Variants in FOXN3 observed in about 807,000 individuals in gnomAD.
FOXN3 encodes the protein forkhead box protein N3.
FOXN3 carries 7 observed loss-of-function variants against 38.4 expected under a neutral mutation model. That is an observed-to-expected ratio of 0.18 (90% confidence interval 0.10 to 0.34). FOXN3 has a LOEUF of 0.34. Ranked by LOEUF, FOXN3 falls within the 10% of genes least tolerant of loss-of-function variation. The pLI is 1.00. For missense variants in FOXN3, 456 were observed against 613.4 expected, an observed-to-expected ratio of 0.74 and a Z score of 2.71; for synonymous variants, 230 against 242.2, an observed-to-expected ratio of 0.95 and a Z score of 0.47.
intron 3 of FOXN3, among the ~76,000 whole-genome samples, chr14:89,300,336 T>C (rs1404630451): frequency 1.3e-5 from 2 of 151,958 alleles, no homozygotes; most frequent in Admixed American, 1.3e-4. Flanking sequence ...GCACCCGCCA[T>C]CATGCCCAGA....
intron 1 of FOXN3, among the ~76,000 whole-genome samples, chr14:89,445,829 C>A (rs1892480535): frequency 6.6e-6 from 1 of 151,922 alleles, no homozygotes; most frequent in African/African-American, 2.4e-5. Flanking sequence ...ACCTATAACC[C>A]CAGCACTTTG....
At chr14:89,537,275 GTGGATGGATGAA>G (rs1894708199) in intron 1 of FOXN3, among the ~76,000 whole-genome samples, 2 of 151,924 alleles carry the variant, frequency 1.3e-5, no homozygotes, top group South Asian at 4.2e-4. Flanking sequence ...GGATGAATAA[GTGGATGGATGAA>G]TGGATGGATG....
chr14:89,181,201 T>TAA (rs35634331), intron 4 of FOXN3, among the ~76,000 whole-genome samples: 1 of 146,240 alleles, frequency 6.8e-6, no homozygotes, highest in Non-Finnish European at 1.5e-5. Context: ...ATGCCTAGGT[T>TAA]AAAAAAAAAA....
chr14:89,263,026 T>C (rs530463141), intron 4 of FOXN3, among the ~76,000 whole-genome samples: 118 of 152,322 alleles, frequency 7.7e-4, no homozygotes, highest in Non-Finnish European at 1.3e-3. Context: ...CGCAGTGAAA[T>C]TGGCCTGCTT....
At chr14:89,410,183 G>A (rs1245259935) in intron 2 of FOXN3, among the ~76,000 whole-genome samples, 1 of 151,960 alleles carries the variant, frequency 6.6e-6, no homozygotes. Flanking sequence ...GAGCAATACG[G>A]TTGGCCACTT....
chr14:89,490,863 A>C (rs1893556849), intron 1 of FOXN3, among the ~76,000 whole-genome samples: 1 of 152,268 alleles, frequency 6.6e-6, no homozygotes, highest in South Asian at 2.1e-4. Context: ...AGTTAAATAC[A>C]ACAGTTCCAT....
upstream of FOXN3, among the ~76,000 whole-genome samples, chr14:89,420,217 A>C (rs1320345510): frequency 2.6e-5 from 4 of 152,218 alleles, no homozygotes; most frequent in Admixed American, 2.6e-4. Flanking sequence ...GAACTGCCTC[A>C]AGCCTTCCAT....
At chr14:89,481,733 T>G (rs1308004154) in intron 1 of FOXN3, among the ~76,000 whole-genome samples, 3 of 152,210 alleles carry the variant, frequency 2.0e-5, no homozygotes, top group Non-Finnish European at 2.9e-5. Flanking sequence ...AGTCTTATTT[T>G]GGGGATTAAA....
In FOXN3 at chr14:89,444,686, A is replaced by G. The variant is rs548737543; in HGVS notation, c.-14-32196T>C. On this transcript the variant is annotated intron_variant, in intron 1 of 6. Coordinates refer to the FOXN3 transcript ENST00000345097. ...AAGATTTTGCCCTTCCTAAGTCTCT[A>G]TATTCCGCAGCTTCCCGATGTTCTG... 3.9e-5 allele frequency among the ~76,000 whole-genome samples: 6 copies of G among 152,330 alleles called. No homozygotes were observed. In the South Asian group the frequency reaches 1.0e-3, roughly 26 times the overall value.
chr14:89,535,510 T>C (rs540395650), intron 1 of FOXN3, among the ~76,000 whole-genome samples: 25 of 152,286 alleles, frequency 1.6e-4, no homozygotes, highest in Admixed American at 1.5e-3. Flanking sequence ...TAATGCAGCC[T>C]TTTTTTCACC....
chr14:89,262,872 G>A (rs1375995174), intron 4 of FOXN3, among the ~76,000 whole-genome samples: 1 of 152,226 alleles, frequency 6.6e-6, no homozygotes, highest in African/African-American at 2.4e-5. Context: ...TCACTGAACT[G>A]ACAGGCAACC....
At chr14:89,437,175 A>C (rs911017289) in intron 1 of FOXN3, among the ~76,000 whole-genome samples, 1 of 138,756 alleles carries the variant, frequency 7.2e-6, no homozygotes, top group South Asian at 2.3e-4. Context: ...ACTCTGTCTC[A>C]AAAAACAAAA....
chr14:89,194,725 A>AAC (rs1011695808), intron 4 of FOXN3, among the ~76,000 whole-genome samples: 3 of 151,918 alleles, frequency 2.0e-5, no homozygotes, highest in Admixed American at 6.6e-5. Context: ...TGTAAAAAAA[A>AAC]AAACACTAGA....
At chr14:89,554,521 A>G (rs1157485340) in intron 1 of FOXN3, among the ~76,000 whole-genome samples, 1 of 152,116 alleles carries the variant, frequency 6.6e-6, no homozygotes, top group Non-Finnish European at 1.5e-5. Context: ...TTTTCCATTT[A>G]CTTTTGTTCT....
rs142408248 is a variant in FOXN3 at position 89,400,305 on chromosome 14, T to C, written c.543+11629A>G. 7.5e-4 allele frequency among the ~76,000 whole-genome samples: 115 copies of C among 152,322 alleles called. 1 individual carries two copies. Among genetic ancestry groups the C allele is most frequent in the African/African-American group, 2.7e-3 (112 of 41,562 alleles). On this transcript the variant is annotated intron_variant, in intron 2 of 5. Transcript: ENST00000557258. ...CTGAAATAGAGGTTTGATTTCACTCTTTTTGATTGAGAGGTAATCCAGAAA... is the reference window on the plus strand; with the variant it reads ...CTGAAATAGAGGTTTGATTTCACTCCTTTTGATTGAGAGGTAATCCAGAAA...
chr14:89,271,849 C>T (rs898374972), intron 4 of FOXN3, among the ~76,000 whole-genome samples: 1 of 152,156 alleles, frequency 6.6e-6, no homozygotes, highest in African/African-American at 2.4e-5. Context: ...TGTAGAACAC[C>T]CAAATATCTA....
chr14:89,389,391 G>A (rs188271092), intron 2 of FOXN3, among the ~76,000 whole-genome samples: 93 of 151,890 alleles, frequency 6.1e-4, no homozygotes, highest in Middle Eastern at 3.4e-3. Context: ...AGCATTTCAT[G>A]AACACCCTTT....
chr14:89,267,118 T>C (rs146702111), intron 4 of FOXN3, among the ~76,000 whole-genome samples: 63 of 152,234 alleles, frequency 4.1e-4, no homozygotes, highest in African/African-American at 1.5e-3. Context: ...GAAAGAAATG[T>C]GTTTCAAGCA....
chr14:89,416,097 G>C (rs549427297), intron 1 of FOXN3, among the ~76,000 whole-genome samples: 1 of 152,162 alleles, frequency 6.6e-6, no homozygotes, highest in Non-Finnish European at 1.5e-5. Flanking sequence ...GCGAGTTTGG[G>C]GGGCCGGGTC....
Sources: allele counts gnomAD v4.1 joint callset (sites outside exome capture counted in the v4.1 genomes callset), GRCh38; gene constraint gnomAD v4.1.1; transcripts MANE v1.5; gene names NCBI Gene and HGNC (gene_info 2026-07-23, HGNC 2026-07-21).